ADGRL2: variants seen among roughly 807,000 people sequenced by gnomAD.
ADGRL2 encodes calcium-independent alpha-latrotoxin receptor 2.
In ADGRL2, 44 loss-of-function variants were observed where a neutral mutation model predicts 157.4. The ratio of observed to expected loss-of-function variants is 0.28; its 90% CI spans 0.22 to 0.36. The LOEUF (loss-of-function observed/expected upper bound fraction) is 0.36, where lower values mean the gene tolerates loss of function less well. Among genes scored for constraint, ADGRL2 ranks in the 10% least tolerant of loss-of-function variants. The pLI is 1.00. For missense variants in ADGRL2, 1,510 were observed against 1,768.9 expected, an observed-to-expected ratio of 0.85 and a Z score of 2.63; for synonymous variants, 585 against 624.7, an observed-to-expected ratio of 0.94 and a Z score of 0.95.
At chr1:81,318,213 A>G (rs1472693259) in intron 1 of ADGRL2, among the ~76,000 whole-genome samples, 1 of 152,180 alleles carries the variant, frequency 6.6e-6, no homozygotes, top group Non-Finnish European at 1.5e-5. Context: ...ATAAAAATAC[A>G]CCTGTACAGC....
intron 2 of ADGRL2, among the ~76,000 whole-genome samples, chr1:81,500,298 C>A (rs917250016): frequency 2.6e-5 from 4 of 152,166 alleles, no homozygotes; most frequent in African/African-American, 9.6e-5. Flanking sequence ...TTCCCGTTCT[C>A]AGCATATACC....
At chr1:81,750,840 T>A (rs567832675) in intron 1 of ADGRL2, among the ~76,000 whole-genome samples, 2 of 152,304 alleles carry the variant, frequency 1.3e-5, no homozygotes, top group South Asian at 4.1e-4. Context: ...TAAATATCAA[T>A]GTAATATGTG....
chr1:81,782,674 A>T (rs1448889821), intron 2 of ADGRL2, among the ~76,000 whole-genome samples: 2 of 152,182 alleles, frequency 1.3e-5, no homozygotes, highest in Non-Finnish European at 2.9e-5. Flanking sequence ...CACTTCCCCA[A>T]GACATTCCAG....
intron 2 of ADGRL2, among the ~76,000 whole-genome samples, chr1:81,551,416 A>G (rs1462320624): frequency 6.6e-6 from 1 of 152,212 alleles, no homozygotes; most frequent in African/African-American, 2.4e-5. Flanking sequence ...TCCAAGATCA[A>G]AGATGGATTC....
intron 1 of ADGRL2, among the ~76,000 whole-genome samples, chr1:81,306,877 A>T (rs1038583000): frequency 2.4e-4 from 36 of 151,294 alleles, no homozygotes; most frequent in East Asian, 3.9e-4. Context: ...ACCGTAACAA[A>T]TTTTTTTTTT....
chr1:81,423,628 A>G (rs370516732), intron 1 of ADGRL2, among the ~76,000 whole-genome samples: 47 of 152,328 alleles, frequency 3.1e-4, no homozygotes, highest in African/African-American at 1.1e-3. Context: ...CATCGTTGTC[A>G]ATCTGTTTAC....
At chr1:81,867,094 A>G (rs1409243610) in intron 2 of ADGRL2, among the ~76,000 whole-genome samples, 1 of 152,208 alleles carries the variant, frequency 6.6e-6, no homozygotes, top group African/African-American at 2.4e-5. Context: ...TTTGAGATCT[A>G]TGTTATTTAA....
At chr1:81,860,390 T>C (rs1405434356) in intron 2 of ADGRL2, among the ~76,000 whole-genome samples, 1 of 152,188 alleles carries the variant, frequency 6.6e-6, no homozygotes, top group Non-Finnish European at 1.5e-5. Flanking sequence ...TTGCCCAAGC[T>C]TGTTTTGAAT....
chr1:81,455,738 C>T lies in ADGRL2; in HGVS notation c.-248+10649C>T, dbSNP rs144089718. On this transcript the variant is annotated intron_variant, in intron 2 of 24. Transcript: ENST00000370721. ...CGAAACAAAGAACTACACATATATGCTGTTCAGCATTATTGTAGATACAGC... is the reference window on the plus strand; with the variant it reads ...CGAAACAAAGAACTACACATATATGTTGTTCAGCATTATTGTAGATACAGC... 3.2e-3 allele frequency among the ~76,000 whole-genome samples: 484 copies of T among 152,280 alleles called. 3 individuals carry two copies. The highest frequency in any genetic ancestry group is 0.012 in the Admixed American group (186 of 15,302).
chr1:81,617,991 C>A (rs2081700024), intron 3 of ADGRL2, among the ~76,000 whole-genome samples: 1 of 151,998 alleles, frequency 6.6e-6, no homozygotes, highest in Non-Finnish European at 1.5e-5. Flanking sequence ...TGGTTATAGC[C>A]CTCTTTTGTT....
chr1:81,849,876 A>G (rs1213072984), intron 2 of ADGRL2, among the ~76,000 whole-genome samples: 1 of 151,946 alleles, frequency 6.6e-6, no homozygotes, highest in African/African-American at 2.4e-5. Context: ...AAATACATAC[A>G]AATAACGTGA....
intron 2 of ADGRL2, among the ~76,000 whole-genome samples, chr1:81,448,992 G>C (rs4522035): frequency 1.3e-5 from 2 of 152,108 alleles, no homozygotes; most frequent in African/African-American, 4.8e-5. Context: ...ATAGATATTA[G>C]TACCAGAAAA....
chr1:81,574,844 T>A (rs2080765756), intron 2 of ADGRL2, among the ~76,000 whole-genome samples: 1 of 152,184 alleles, frequency 6.6e-6, no homozygotes, highest in Non-Finnish European at 1.5e-5. Context: ...AAATGCCATT[T>A]AGCGAAGAAA....
At chr1:81,677,103 G>A (rs1172448683) in intron 3 of ADGRL2, among the ~76,000 whole-genome samples, 2 of 149,946 alleles carry the variant, frequency 1.3e-5, no homozygotes, top group African/African-American at 4.9e-5. Context: ...CTCCTGCCTC[G>A]GCCTCCCAAG....
intron 2 of ADGRL2, among the ~76,000 whole-genome samples, chr1:81,785,300 A>C (rs2086992082): frequency 6.6e-6 from 1 of 152,230 alleles, no homozygotes; most frequent in Non-Finnish European, 1.5e-5. Flanking sequence ...CTGTTAGAAA[A>C]AGGAGAGGAG....
At chr1:81,341,070 G>A (rs1228428911) in intron 1 of ADGRL2, among the ~76,000 whole-genome samples, 2 of 151,980 alleles carry the variant, frequency 1.3e-5, no homozygotes, top group African/African-American at 2.4e-5. Context: ...TACAAAGAAT[G>A]GTGGAAAACA....
intron 1 of ADGRL2, chr1:81,427,274 G>T: frequency 1.3e-6 from 1 of 741,098 alleles, no homozygotes; most frequent in Non-Finnish European, 2.5e-6. Context: ...AGGAGGTGAT[G>T]GTGGATATAA....
chr1:81,599,313 C>T (rs1352136184), intron 3 of ADGRL2, among the ~76,000 whole-genome samples: 5 of 152,128 alleles, frequency 3.3e-5, no homozygotes, highest in Admixed American at 1.3e-4. Context: ...TGAATAAGGG[C>T]CTGGAACATG....
intron 3 of ADGRL2, chr1:81,596,586 C>G (rs1431447650): frequency 2.7e-5 from 7 of 255,516 alleles, no homozygotes; most frequent in Admixed American, 1.8e-4. Context: ...GCGGGCGGAT[C>G]AGAGCTCCGC....
Sources: gnomAD v4.1 joint callset for allele counts (sites outside exome capture counted in the v4.1 genomes callset) on GRCh38, gnomAD v4.1.1 for gene constraint, MANE v1.5 for transcripts, NCBI Gene and HGNC (gene_info 2026-07-23, HGNC 2026-07-21) for gene names.